The following RSRC1 variants were observed in gnomAD, a reference collection of about 807,000 sequenced individuals.
RSRC1 encodes serine/Arginine-related protein 53.
RSRC1 carries 39 observed loss-of-function variants against 49.1 expected under a neutral mutation model. The ratio of observed to expected loss-of-function variants is 0.79; its 90% CI spans 0.61 to 1.04. The LOEUF (loss-of-function observed/expected upper bound fraction) is 1.04. Among genes scored for constraint, RSRC1 ranks in the 50% least tolerant of loss-of-function variants. The pLI, the probability that RSRC1 is intolerant of heterozygous loss-of-function variation, is 0.00. For missense variants in RSRC1, 388 were observed against 402.4 expected (o/e 0.96, Z 0.31); for synonymous variants, 143 against 130.8 (o/e 1.09, Z -0.63).
chr3:158,329,445 T>G (rs1729401595), intron 5 of RSRC1, among the ~76,000 whole-genome samples: 1 of 152,218 alleles, frequency 6.6e-6, no homozygotes, highest in South Asian at 2.1e-4. Flanking sequence ...TTGTTAGTTT[T>G]TCTTCTAACA....
intron 3 of RSRC1, among the ~76,000 whole-genome samples, chr3:158,188,871 C>T (rs1424851478): frequency 4.6e-5 from 7 of 151,678 alleles, no homozygotes; most frequent in East Asian, 1.9e-4. Flanking sequence ...TTTGAGTTTA[C>T]TCTTCTGCTC....
intron 5 of RSRC1, among the ~76,000 whole-genome samples, chr3:158,316,080 G>A (rs1432892350): frequency 9.2e-5 from 14 of 151,678 alleles, no homozygotes; most frequent in African/African-American, 3.4e-4. Flanking sequence ...GCTGAGGCAC[G>A]AGAATCACTT....
At chr3:158,476,878 A>G (rs1383108778) in intron 7 of RSRC1, among the ~76,000 whole-genome samples, 2 of 152,162 alleles carry the variant, frequency 1.3e-5, no homozygotes, top group African/African-American at 4.8e-5. Flanking sequence ...CCTTCTGGAA[A>G]GGATTCATTG....
chr3:158,196,092 A>G (rs1250530338), intron 3 of RSRC1, among the ~76,000 whole-genome samples: 2 of 152,100 alleles, frequency 1.3e-5, no homozygotes, highest in African/African-American at 2.4e-5. Context: ...CTTGGTCAGT[A>G]TGGCCATTTT....
chr3:158,523,995 C>T (rs1711857344), intron 7 of RSRC1, among the ~76,000 whole-genome samples: 2 of 152,070 alleles, frequency 1.3e-5, no homozygotes, highest in Admixed American at 6.6e-5. Flanking sequence ...TGGACCACTT[C>T]CTCCTGGTTG....
chr3:158,303,639 A>G (rs1727689699), intron 5 of RSRC1: 1 of 152,226 alleles, frequency 6.6e-6, no homozygotes, highest in Non-Finnish European at 1.5e-5. Flanking sequence ...AAATTGAAAG[A>G]CATGTGTCCA....
At chr3:158,290,055 A>G (rs997419809) in intron 4 of RSRC1, among the ~76,000 whole-genome samples, 1 of 148,896 alleles carries the variant, frequency 6.7e-6, no homozygotes, top group Non-Finnish European at 1.5e-5. Context: ...AAATTATATG[A>G]AGATTTTTTT....
intron 3 of RSRC1, among the ~76,000 whole-genome samples, chr3:158,201,467 C>G (rs1426245104): frequency 6.6e-6 from 1 of 152,114 alleles, no homozygotes; most frequent in African/African-American, 2.4e-5. Context: ...TCTGTTTTCT[C>G]TATTTCTGGG....
chr3:158,183,804 T>C (rs567046525), intron 3 of RSRC1, among the ~76,000 whole-genome samples: 1 of 152,098 alleles, frequency 6.6e-6, no homozygotes, highest in East Asian at 1.9e-4. Context: ...TAGTCCTAGC[T>C]ACTCGGGGGG....
At chr3:158,234,688 G>C (rs934468762) in intron 4 of RSRC1, among the ~76,000 whole-genome samples, 1 of 151,954 alleles carries the variant, frequency 6.6e-6, no homozygotes, top group Non-Finnish European at 1.5e-5. Context: ...TCTTCTCCCT[G>C]TTCCTCTTTT....
At chr3:158,402,856 G>A (rs995796765) in intron 6 of RSRC1, among the ~76,000 whole-genome samples, 1 of 151,810 alleles carries the variant, frequency 6.6e-6, no homozygotes, top group African/African-American at 2.4e-5. Flanking sequence ...CCTTTAAGCT[G>A]TATGTATGTT....
At chr3:158,353,336 C>G (rs1730978603) in intron 5 of RSRC1, among the ~76,000 whole-genome samples, 1 of 152,170 alleles carries the variant, frequency 6.6e-6, no homozygotes, top group African/African-American at 2.4e-5. Context: ...CTTCATCTTC[C>G]ATGGCAGGGG....
chr3:158,491,172 C>G (rs1739069620), intron 7 of RSRC1, among the ~76,000 whole-genome samples: 1 of 152,086 alleles, frequency 6.6e-6, no homozygotes, highest in Admixed American at 6.6e-5. Context: ...TTCCTCTTGT[C>G]TACTAGGAAA....
chr3:158,401,497 T>C (rs1385574175), intron 6 of RSRC1, among the ~76,000 whole-genome samples: 1 of 151,984 alleles, frequency 6.6e-6, no homozygotes, highest in Non-Finnish European at 1.5e-5. Context: ...CGAGAAGAAA[T>C]TGACCAAGAA....
chr3:158,379,849 C>T (rs1277135738), intron 6 of RSRC1, among the ~76,000 whole-genome samples: 1 of 151,696 alleles, frequency 6.6e-6, no homozygotes, highest in Non-Finnish European at 1.5e-5. Context: ...CTCCCTCCCT[C>T]TTGTCCCATT....
At chr3:158,296,765 A>G (rs1727263000) in intron 4 of RSRC1, among the ~76,000 whole-genome samples, 1 of 152,076 alleles carries the variant, frequency 6.6e-6, no homozygotes. Flanking sequence ...AACATTGAAT[A>G]TATAGTTTTG....
intron 3 of RSRC1, among the ~76,000 whole-genome samples, chr3:158,156,901 AACACAG>A (rs1717910222): frequency 6.6e-6 from 1 of 152,242 alleles, no homozygotes. Flanking sequence ...ACCAAAATGT[AACACAG>A]AGACACTAAG....
intron 1 of RSRC1, among the ~76,000 whole-genome samples, chr3:158,118,736 A>G (rs1385071012): frequency 1.3e-5 from 2 of 152,232 alleles, no homozygotes; most frequent in African/African-American, 4.8e-5. Flanking sequence ...AAAAGTTAAC[A>G]GAAAAAATGT....
At position 158,544,456 on chromosome 3, in the gene RSRC1, T is replaced by G; in HGVS notation, c.*181T>G. ...TGTTAATTTGAATTAAATCAAACAT[T>G]GTAAAAATTAAAACAAAATTTAAGA... On this transcript the variant is annotated 3_prime_UTR_variant, in exon 10 of 10. Coordinates refer to ENST00000611884, the MANE Select transcript of RSRC1 (RefSeq NM_001271838.2). 1 of 399,256 alleles carries G rather than the reference T, an allele frequency of 2.5e-6. No individual in the cohort carries two copies. Among genetic ancestry groups the G allele is most frequent in the Non-Finnish European group, 4.4e-6 (1 of 225,108 alleles). 24.7% of individuals were successfully genotyped at this position (399,256 alleles called of 1,614,324 possible).
Sources: gnomAD v4.1 joint callset for allele counts (sites outside exome capture counted in the v4.1 genomes callset) on GRCh38, gnomAD v4.1.1 for gene constraint, MANE v1.5 for transcripts, NCBI Gene and HGNC (gene_info 2026-07-23, HGNC 2026-07-21) for gene names.